CIROZ: variants seen among roughly 807,000 people sequenced by gnomAD.
The protein encoded by CIROZ is ciliated left-right organizer ZP-N domains-containing protein.
chr1:10,980,918 G>A, the CIROZ span, among the ~76,000 whole-genome samples: 7 of 152,248 alleles, frequency 4.6e-5, no homozygotes, highest in Non-Finnish European at 8.8e-5. Flanking sequence ...CCCCTTGCTC[G>A]CCCAGCCCCA....
At chr1:10,968,315 T>C in the CIROZ span, among the ~76,000 whole-genome samples, 2 of 152,226 alleles carry the variant, frequency 1.3e-5, no homozygotes, top group African/African-American at 4.8e-5. Context: ...TTTTAAAGCA[T>C]TTTTAAAGCT....
chr1:10,976,127 T>G, the CIROZ span: 3 of 1,524,678 alleles, frequency 2.0e-6, no homozygotes, highest in Non-Finnish European at 2.6e-6. Flanking sequence ...CAAAGCCTGA[T>G]GCCAACCATA....
the CIROZ span, chr1:10,966,553 T>C: frequency 7.0e-7 from 1 of 1,437,864 alleles, no homozygotes; most frequent in Non-Finnish European, 9.1e-7. Context: ...GTCAGAAATA[T>C]CAGACTCGCA....
At chr1:10,979,041 G>A in the CIROZ span, among the ~76,000 whole-genome samples, 2 of 152,060 alleles carry the variant, frequency 1.3e-5, no homozygotes, top group African/African-American at 4.8e-5. Context: ...ACCCAGGCTG[G>A]AGTGCAGTGG....
the CIROZ span, chr1:10,948,158 G>T: frequency 6.2e-7 from 1 of 1,613,636 alleles, no homozygotes; most frequent in Non-Finnish European, 8.5e-7. Flanking sequence ...TCGCTGGCAG[G>T]ATGGAGAGTC....
chr1:10,979,733 C>A, the CIROZ span, among the ~76,000 whole-genome samples: 1 of 152,170 alleles, frequency 6.6e-6, no homozygotes, highest in African/African-American at 2.4e-5. Flanking sequence ...CAATGGAATA[C>A]TGAACTGCAA....
the CIROZ span, among the ~76,000 whole-genome samples, chr1:10,977,498 TAAATA>T: frequency 6.6e-6 from 1 of 151,990 alleles, no homozygotes; most frequent in African/African-American, 2.4e-5. Flanking sequence ...AATAAATAAA[TAAATA>T]AAATGATGAA....
chr1:10,949,631 A>G, the CIROZ span: 2 of 1,602,300 alleles, frequency 1.2e-6, no homozygotes, highest in Non-Finnish European at 1.7e-6. Flanking sequence ...TGCTTTGGCC[A>G]GTGCGTCGGA....
chr1:10,961,128 C>T, the CIROZ span, among the ~76,000 whole-genome samples: 1 of 152,076 alleles, frequency 6.6e-6, no homozygotes, highest in Non-Finnish European at 1.5e-5. Flanking sequence ...GTCGTTTCTG[C>T]TTTTCTCAGC....
the CIROZ span, among the ~76,000 whole-genome samples, chr1:10,966,958 G>A: frequency 2.0e-5 from 3 of 151,936 alleles, no homozygotes; most frequent in South Asian, 2.1e-4. Context: ...AGACCAACCC[G>A]GCCAACACTG....
chr1:10,965,392 G>A, the CIROZ span, among the ~76,000 whole-genome samples: 2 of 152,138 alleles, frequency 1.3e-5, no homozygotes, highest in African/African-American at 4.8e-5. Context: ...CAAACTGTGC[G>A]GCTGGTTGTC....
At chr1:10,946,982 T>A in the CIROZ span, among the ~76,000 whole-genome samples, 15 of 151,830 alleles carry the variant, frequency 9.9e-5, no homozygotes, top group African/African-American at 3.6e-4. Context: ...GGCCGGGAGG[T>A]GGATGGTGGA....
At chr1:10,971,455 A>T in the CIROZ span, among the ~76,000 whole-genome samples, 1 of 151,984 alleles carries the variant, frequency 6.6e-6, no homozygotes, top group Admixed American at 6.6e-5. Context: ...TGTGTTCCTG[A>T]GCCAAGCTGG....
At chr1:10,976,374 C>T in the CIROZ span, 1 of 719,082 alleles carries the variant, frequency 1.4e-6, no homozygotes, top group South Asian at 1.9e-5. Context: ...CTCGCTCCGT[C>T]ACCCTGGCTG....
At chr1:10,950,412 T>C in the CIROZ span, among the ~76,000 whole-genome samples, 1 of 152,212 alleles carries the variant, frequency 6.6e-6, no homozygotes, top group Non-Finnish European at 1.5e-5. Context: ...CCAGCTTCAA[T>C]GCCACCAGAT....
At chr1:10,955,705 G>A in the CIROZ span, among the ~76,000 whole-genome samples, 5 of 151,980 alleles carry the variant, frequency 3.3e-5, no homozygotes, top group South Asian at 2.1e-4. Context: ...TTAGCCAGGC[G>A]TGGTGGCGGG....
At chr1:10,948,355 G>T in the CIROZ span, 3 of 1,613,496 alleles carry the variant, frequency 1.9e-6, no homozygotes, top group East Asian at 6.7e-5. Context: ...GCCCGCCAGG[G>T]CCTCGCCAAT....
chr1:10,951,570 T>A, the CIROZ span, among the ~76,000 whole-genome samples: 29 of 149,946 alleles, frequency 1.9e-4, no homozygotes, highest in Admixed American at 4.6e-4. Context: ...AAAAAAAGTT[T>A]AAAAACTAGC....
the CIROZ span, among the ~76,000 whole-genome samples, chr1:10,968,505 G>A: frequency 6.6e-6 from 1 of 152,184 alleles, no homozygotes; most frequent in African/African-American, 2.4e-5. Flanking sequence ...TGCCTCTGGC[G>A]GAGGAAGACT....
Sources: allele counts gnomAD v4.1 joint callset (sites outside exome capture counted in the v4.1 genomes callset), GRCh38; gene constraint gnomAD v4.1.1; transcripts MANE v1.5; gene names NCBI Gene and HGNC (gene_info 2026-07-23, HGNC 2026-07-21).